CSMD1: variants seen among roughly 807,000 people sequenced by gnomAD.
The protein encoded by CSMD1 is CUB and sushi domain-containing protein 1.
Under a neutral mutation model 417.5 loss-of-function variants are expected in CSMD1, and 213 were observed. That is an observed-to-expected ratio of 0.51 (90% CI 0.46 to 0.57). The LOEUF is 0.57. CSMD1 is among the 20% of genes least tolerant of loss of function. CSMD1 has a pLI of 0.00. For synonymous variants in CSMD1, 2,862 were observed against 1,736.8 expected (o/e 1.65, Z -16.11); for missense variants, 6,923 against 4,529.7 (o/e 1.53, Z -15.17).
intron 7 of CSMD1, among the ~76,000 whole-genome samples, chr8:3,693,211 A>C (rs188740535): frequency 4.9e-4 from 75 of 152,334 alleles, no homozygotes; most frequent in African/African-American, 1.8e-3. Context: ...TGTTCATCAA[A>C]TGCTTGTCAC....
intron 2 of CSMD1, among the ~76,000 whole-genome samples, chr8:4,436,763 C>T (rs576227561): frequency 6.6e-6 from 1 of 152,162 alleles, no homozygotes; most frequent in Non-Finnish European, 1.5e-5. Flanking sequence ...AATAAGTGAT[C>T]ATGTGATATT....
intron 6 of CSMD1, among the ~76,000 whole-genome samples, chr8:3,733,433 G>C (rs905761293): frequency 6.6e-6 from 1 of 150,682 alleles, no homozygotes; most frequent in African/African-American, 2.4e-5. Flanking sequence ...TTTTGATTTG[G>C]TGTATGTATG....
chr8:3,754,116 G>T, intron 5 of CSMD1, 74 bp from the exon 6 acceptor site: 1 of 878,028 alleles, frequency 1.1e-6, no homozygotes, highest in Non-Finnish European at 1.8e-6. Flanking sequence ...AACCCGCTTT[G>T]AAATCCGATT....
chr8:3,671,827 C>G (rs1449972595), intron 7 of CSMD1, among the ~76,000 whole-genome samples: 4 of 151,914 alleles, frequency 2.6e-5, no homozygotes, highest in Non-Finnish European at 5.9e-5. Flanking sequence ...AGTTCTTGAG[C>G]AATGACTTGA....
Position 3,552,658 on chromosome 8 carries a change from G to C in CSMD1, c.1344+22287C>G, listed in dbSNP as rs190675985. Reference sequence around the variant, plus strand: ...TACAGAGATCCTTTCTGTTGCAAGAGTATTCACATCAACATTGTTCATATA... The same window carrying C: ...TACAGAGATCCTTTCTGTTGCAAGACTATTCACATCAACATTGTTCATATA... On this transcript the variant is annotated intron_variant, in intron 10 of 69. Transcript: ENST00000635120. 2.6e-5 allele frequency among the ~76,000 whole-genome samples: 4 copies of C among 152,270 alleles called. No individual in the cohort carries two copies. In the East Asian group the frequency reaches 7.7e-4, roughly 29 times the overall value.
chr8:2,965,063 G>C (rs546964286), intron 59 of CSMD1, among the ~76,000 whole-genome samples: 86 of 152,250 alleles, frequency 5.6e-4, no homozygotes, highest in African/African-American at 1.9e-3. Context: ...CTCTGCACCA[G>C]CTGATAAGAA....
chr8:3,736,379 C>CA (rs1240615785), intron 6 of CSMD1, among the ~76,000 whole-genome samples: 1 of 151,792 alleles, frequency 6.6e-6, no homozygotes, highest in Non-Finnish European at 1.5e-5. Context: ...GAAGCTGAGA[C>CA]ACAGGTGCAA....
At chr8:4,757,912 T>C (rs989313027) in intron 1 of CSMD1, among the ~76,000 whole-genome samples, 9 of 149,196 alleles carry the variant, frequency 6.0e-5, no homozygotes, top group Admixed American at 4.7e-4. Flanking sequence ...GGAGCCGACA[T>C]TGTGCCACCT....
At chr8:4,785,044 G>T (rs1018745830) in intron 1 of CSMD1, among the ~76,000 whole-genome samples, 3 of 152,198 alleles carry the variant, frequency 2.0e-5, no homozygotes, top group African/African-American at 4.8e-5. Context: ...TGAATTATTA[G>T]AAGTGGATAT....
chr8:3,438,541 C>G (rs1563389374), intron 12 of CSMD1, among the ~76,000 whole-genome samples: 2 of 152,178 alleles, frequency 1.3e-5, no homozygotes, highest in Non-Finnish European at 2.9e-5. Flanking sequence ...CAGCACCACT[C>G]TCTGGAGAGT....
chr8:4,770,875 G>A (rs1006453845), intron 1 of CSMD1, among the ~76,000 whole-genome samples: 5 of 152,038 alleles, frequency 3.3e-5, no homozygotes, highest in Non-Finnish European at 5.9e-5. Flanking sequence ...CAGGGGAAAT[G>A]CTCGTTAACA....
At chr8:4,828,295 T>C (rs141458968) in intron 1 of CSMD1, among the ~76,000 whole-genome samples, 70 of 152,346 alleles carry the variant, frequency 4.6e-4, no homozygotes, top group African/African-American at 1.7e-3. Flanking sequence ...ATGAAAATTA[T>C]GTCAACAAAT....
intron 62 of CSMD1, among the ~76,000 whole-genome samples, chr8:2,958,854 G>A: frequency 6.6e-6 from 1 of 152,186 alleles, no homozygotes; most frequent in East Asian, 1.9e-4. Flanking sequence ...ACAGGCATAA[G>A]CCCATACCTC....
rs55771217 is a variant in CSMD1, at chr8:3,769,708, A to G, written c.819-15666T>C. On this transcript the variant is annotated intron_variant, in intron 5 of 69. Coordinates refer to ENST00000635120, the MANE Select transcript of CSMD1 (RefSeq NM_033225.6). ...ATGTGTGAATTCTGTGAACTATTCC[A>G]TTGAGTGAACATACCATTACTTATT... Among the ~76,000 whole-genome samples, 1,247 of 152,236 alleles carry G rather than the reference A, an allele frequency of 8.2e-3. 14 individuals carry two copies. The highest frequency in any genetic ancestry group is 0.029 in the African/African-American group (1,204 of 41,546).
At chr8:4,237,227 C>T (rs1185242751) in intron 3 of CSMD1, among the ~76,000 whole-genome samples, 5 of 152,116 alleles carry the variant, frequency 3.3e-5, no homozygotes, top group Admixed American at 6.6e-5. Flanking sequence ...TAATTTTTTC[C>T]GAAGTAGACG....
intron 3 of CSMD1, among the ~76,000 whole-genome samples, chr8:4,324,807 A>G (rs1335908300): frequency 1.3e-5 from 2 of 152,188 alleles, no homozygotes; most frequent in African/African-American, 4.8e-5. Flanking sequence ...CCTGCTTCCC[A>G]TGTCTTGCTA....
chr8:4,019,195 T>C (rs996675808), intron 4 of CSMD1, among the ~76,000 whole-genome samples: 5 of 152,286 alleles, frequency 3.3e-5, no homozygotes, highest in African/African-American at 9.6e-5. Context: ...GACAGGTTTA[T>C]TATGGACAAT....
chr8:3,376,900 T>C (rs1810342136), intron 18 of CSMD1, among the ~76,000 whole-genome samples: 2 of 152,198 alleles, frequency 1.3e-5, no homozygotes, highest in African/African-American at 4.8e-5. Flanking sequence ...TTGCTTAAGA[T>C]TTGAAGGGTA....
chr8:4,641,288 A>G (rs1191514111), intron 1 of CSMD1, among the ~76,000 whole-genome samples: 1 of 152,070 alleles, frequency 6.6e-6, no homozygotes, highest in Non-Finnish European at 1.5e-5. Context: ...TGTTACCGAA[A>G]TAATAATATA....
Sources: allele counts gnomAD v4.1 joint callset (sites outside exome capture counted in the v4.1 genomes callset), GRCh38; gene constraint gnomAD v4.1.1; transcripts MANE v1.5; gene names NCBI Gene and HGNC (gene_info 2026-07-23, HGNC 2026-07-21).